ZNF362: variants seen among roughly 807,000 people sequenced by gnomAD.
ZNF362 encodes the protein zinc finger protein 362.
ZNF362 carries 11 observed loss-of-function variants against 42.9 expected under a neutral mutation model. The observed-to-expected ratio is 0.26, with a 90% CI of 0.16 to 0.42. The LOEUF (loss-of-function observed/expected upper bound fraction) is 0.42, where lower values mean the gene tolerates loss of function less well. ZNF362 is among the 20% of genes least tolerant of loss of function. ZNF362 has a pLI of 1.00. For missense variants in ZNF362, 362 were observed against 576.2 expected, an observed-to-expected ratio of 0.63 and a Z score of 3.81; for synonymous variants, 255 against 257.3, an observed-to-expected ratio of 0.99 and a Z score of 0.09.
chr1:33,141,390 T>C, the ZNF362 span, among the ~76,000 whole-genome samples: 1 of 152,192 alleles, frequency 6.6e-6, no homozygotes, highest in African/African-American at 2.4e-5. Context: ...ACCAGGACAC[T>C]TGAGTACTCA....
At chr1:33,257,950 G>A (rs998438138) in intron 1 of ZNF362, among the ~76,000 whole-genome samples, 1 of 152,144 alleles carries the variant, frequency 6.6e-6, no homozygotes, top group African/African-American at 2.4e-5. Context: ...CAACCTGGTG[G>A]TCCTCCTGCC....
At chr1:33,239,839 A>G in the ZNF362 span, among the ~76,000 whole-genome samples, 1 of 152,212 alleles carries the variant, frequency 6.6e-6, no homozygotes, top group Non-Finnish European at 1.5e-5. Flanking sequence ...TCAGAAGGAC[A>G]TAGGAACCAA....
At chr1:33,238,024 TA>T in the ZNF362 span, among the ~76,000 whole-genome samples, 1 of 151,910 alleles carries the variant, frequency 6.6e-6, no homozygotes, top group Non-Finnish European at 1.5e-5. Flanking sequence ...GCCTTTTATT[TA>T]AAAAAAATTG....
At chr1:33,131,991 G>A in the ZNF362 span, among the ~76,000 whole-genome samples, 3 of 152,190 alleles carry the variant, frequency 2.0e-5, no homozygotes, top group South Asian at 6.2e-4. Flanking sequence ...TGAGCAGTCT[G>A]GGCAAGGAGC....
the ZNF362 span, among the ~76,000 whole-genome samples, chr1:33,236,263 C>A: frequency 6.6e-6 from 1 of 151,660 alleles, no homozygotes; most frequent in Non-Finnish European, 1.5e-5. Context: ...ATAAAACAGG[C>A]CGGTTGCAGT....
At chr1:33,259,911 A>G (rs1645818160) in intron 1 of ZNF362, among the ~76,000 whole-genome samples, 1 of 152,222 alleles carries the variant, frequency 6.6e-6, no homozygotes, top group Non-Finnish European at 1.5e-5. Context: ...TGTGACTTTC[A>G]GCACATTCTT....
At chr1:33,230,457 T>C in the ZNF362 span, among the ~76,000 whole-genome samples, 2 of 151,968 alleles carry the variant, frequency 1.3e-5, no homozygotes, top group African/African-American at 4.8e-5. Flanking sequence ...AAACCAGTCA[T>C]GGCTCTCTCC....
the ZNF362 span, among the ~76,000 whole-genome samples, chr1:33,206,126 G>A: frequency 6.6e-6 from 1 of 152,080 alleles, no homozygotes; most frequent in East Asian, 1.9e-4. Context: ...AATAAAACTT[G>A]AGCCATAACT....
rs1292252706 is a variant in ZNF362 at position 33,276,180 on chromosome 1, C to T, written c.102+17C>T. On this transcript the variant is annotated intron_variant, in intron 3 of 8. Coordinates refer to ENST00000539719, the MANE Select transcript of ZNF362 (RefSeq NM_152493.3). ...CCCAGCCAGGTAAGACTGACGTCGC[C>T]CCTCCGGCTGCCCTACCCTCCTTGG... The T allele has an allele frequency of 3.7e-6, 6 of 1,612,642 alleles. No homozygotes were observed. Among genetic ancestry groups the T allele is most frequent in the Non-Finnish European group, 5.1e-6 (6 of 1,179,850 alleles).
chr1:33,206,143 G>A, the ZNF362 span, among the ~76,000 whole-genome samples: 2 of 152,030 alleles, frequency 1.3e-5, no homozygotes, highest in East Asian at 3.9e-4. Context: ...AACTTCAAAT[G>A]TATCATAGAA....
chr1:33,202,826 C>T, the ZNF362 span, among the ~76,000 whole-genome samples: 2 of 151,882 alleles, frequency 1.3e-5, no homozygotes, highest in African/African-American at 4.8e-5. Context: ...TTCCTCAGCC[C>T]AGTGAAGATC....
At chr1:33,156,318 G>C in the ZNF362 span, among the ~76,000 whole-genome samples, 45 of 152,294 alleles carry the variant, frequency 3.0e-4, 1 homozygote, top group Middle Eastern at 0.014. Context: ...TCTTGGACCA[G>C]CTCCAACCAG....
At chr1:33,290,309 C>G (rs1400810463) in intron 6 of ZNF362, among the ~76,000 whole-genome samples, 2 of 151,750 alleles carry the variant, frequency 1.3e-5, no homozygotes, top group Non-Finnish European at 1.5e-5. Flanking sequence ...TGAGAACATG[C>G]GGCGTTTGGT....
the ZNF362 span, among the ~76,000 whole-genome samples, chr1:33,185,660 G>A: frequency 6.6e-6 from 1 of 152,142 alleles, no homozygotes. Context: ...GCAAGTCATT[G>A]CTCTCTCCAC....
chr1:33,166,884 A>G, the ZNF362 span, among the ~76,000 whole-genome samples: 1 of 152,200 alleles, frequency 6.6e-6, no homozygotes, highest in Non-Finnish European at 1.5e-5. Context: ...AATTTTGTTC[A>G]TCGTGGGTTT....
At chr1:33,134,627 G>T in the ZNF362 span, among the ~76,000 whole-genome samples, 2 of 152,150 alleles carry the variant, frequency 1.3e-5, no homozygotes, top group African/African-American at 4.8e-5. Flanking sequence ...CAGATAGTGA[G>T]CTCCCTGGCA....
chr1:33,290,191 C>T (rs1570408058), intron 6 of ZNF362, among the ~76,000 whole-genome samples: 1 of 152,066 alleles, frequency 6.6e-6, no homozygotes, highest in South Asian at 2.1e-4. Flanking sequence ...GTGTGCTGCA[C>T]CCATTAACTC....
chr1:33,131,230 C>T, the ZNF362 span, among the ~76,000 whole-genome samples: 2 of 152,256 alleles, frequency 1.3e-5, no homozygotes, highest in Admixed American at 1.3e-4. Context: ...TTCTCCTCTT[C>T]ATCTAGCCAT....
chr1:33,140,585 C>A, the ZNF362 span, among the ~76,000 whole-genome samples: 2 of 152,334 alleles, frequency 1.3e-5, no homozygotes, highest in East Asian at 3.9e-4. This position sits in a 1 kb window ranked among gnomAD's most constrained non-coding sequence, Gnocchi z 4.0. Flanking sequence ...TATCCCAGGG[C>A]TTTCTCTAGT....
Sources: gnomAD v4.1 joint callset for allele counts (sites outside exome capture counted in the v4.1 genomes callset) on GRCh38, gnomAD v4.1.1 for gene constraint, Gnocchi (gnomAD v3.1) non-coding constraint, MANE v1.5 for transcripts, NCBI Gene and HGNC (gene_info 2026-07-23, HGNC 2026-07-21) for gene names.